The following TMCO5A variants were observed in gnomAD, a reference collection of about 807,000 sequenced individuals.
The protein encoded by TMCO5A is transmembrane and coiled-coil domain-containing protein 5A.
A neutral mutation model predicts 42.3 loss-of-function variants in TMCO5A; 34 were observed. That is an observed-to-expected ratio of 0.80 (90% CI 0.61 to 1.07). The LOEUF is 1.07. Among genes scored for constraint, TMCO5A ranks in the 50% least tolerant of loss-of-function variants. The probability of loss-of-function intolerance (pLI) is 0.00; values close to 1 mark genes in which losing one functional copy is unlikely to be tolerated. For synonymous variants in TMCO5A, 131 were observed against 115.6 expected (o/e 1.13, Z -0.86); for missense variants, 357 against 327.9 (o/e 1.09, Z -0.69).
downstream of TMCO5A, among the ~76,000 whole-genome samples, chr15:37,955,252 GA>G (rs1460717568): frequency 4.4e-5 from 2 of 45,028 alleles, no homozygotes; most frequent in Admixed American, 2.8e-4. Context: ...TAGATTTAAA[GA>G]GTAAAAAAAA....
the TMCO5A span, among the ~76,000 whole-genome samples, chr15:38,008,340 G>A: frequency 6.6e-6 from 1 of 152,130 alleles, no homozygotes; most frequent in Non-Finnish European, 1.5e-5. Context: ...ACTCAGAGGG[G>A]AGCTAAAGAG....
chr15:38,027,027 T>C, the TMCO5A span, among the ~76,000 whole-genome samples: 2 of 152,154 alleles, frequency 1.3e-5, no homozygotes, highest in Non-Finnish European at 2.9e-5. Flanking sequence ...GAACCTCTAC[T>C]AGGGCAGCAT....
At chr15:38,038,169 T>A in the TMCO5A span, among the ~76,000 whole-genome samples, 1 of 152,330 alleles carries the variant, frequency 6.6e-6, no homozygotes, top group Admixed American at 6.5e-5. Flanking sequence ...TGAGACCCTG[T>A]TCATAGAAAT....
In TMCO5A at chr15:37,951,159, G is replaced by A; in HGVS notation, c.792G>A (p.Arg264=). Residue 264 remains arginine (R), a synonymous_variant, in exon 12 of 12, where the codon AGG becomes AGA. Coordinates refer to ENST00000319669, the MANE Select transcript of TMCO5A (RefSeq NM_152453.4). ...LVNVLPKVLG[R]STLWKLRCFF... is the part of the protein sequence containing the mutation. ...ATGTACTGCCCAAGGTACTGGGCAG[G>A]AGCACCTTGTGGAAGCTCAGATGCT... 1 of 1,613,766 alleles carries A rather than the reference G, an allele frequency of 6.2e-7. No homozygotes were observed.
downstream of TMCO5A, among the ~76,000 whole-genome samples, chr15:37,955,273 AAAC>A (rs1890258197): frequency 6.6e-6 from 1 of 151,444 alleles, no homozygotes; most frequent in Non-Finnish European, 1.5e-5. Context: ...AAAAAAAAAA[AAAC>A]TTAACAAGAT....
chr15:37,989,185 T>C, the TMCO5A span, among the ~76,000 whole-genome samples: 1 of 151,924 alleles, frequency 6.6e-6, no homozygotes, highest in African/African-American at 2.4e-5. Flanking sequence ...ATCCTTTAAT[T>C]TCTGATTTTA....
chr15:38,005,119 G>C, the TMCO5A span, among the ~76,000 whole-genome samples: 1 of 151,946 alleles, frequency 6.6e-6, no homozygotes, highest in Admixed American at 6.6e-5. Flanking sequence ...TTACTCATTT[G>C]TGCCACCAGT....
chr15:38,025,202 G>GTGTGT, the TMCO5A span, among the ~76,000 whole-genome samples: 3 of 141,302 alleles, frequency 2.1e-5, no homozygotes, highest in Non-Finnish European at 4.6e-5. Flanking sequence ...TGTGTGTGTG[G>GTGTGT]AAGCAGAAAA....
At chr15:38,011,854 G>A in the TMCO5A span, among the ~76,000 whole-genome samples, 15 of 152,300 alleles carry the variant, frequency 9.8e-5, no homozygotes, top group South Asian at 2.9e-3. Context: ...GCCAGGCATG[G>A]TGGCTCATGC....
At chr15:37,969,703 C>A (rs567136357), downstream of TMCO5A, among the ~76,000 whole-genome samples, 1 of 152,258 alleles carries the variant, frequency 6.6e-6, no homozygotes, top group South Asian at 2.1e-4. Flanking sequence ...CCTCTCCCTC[C>A]TCCACCTTCC....
the TMCO5A span, among the ~76,000 whole-genome samples, chr15:37,991,440 G>A: frequency 3.6e-4 from 55 of 152,120 alleles, no homozygotes; most frequent in African/African-American, 1.3e-3. Flanking sequence ...GGGCCTCTTT[G>A]AGTTCCTACT....
the TMCO5A span, among the ~76,000 whole-genome samples, chr15:37,974,366 G>A: frequency 1.3e-5 from 2 of 152,148 alleles, no homozygotes; most frequent in African/African-American, 4.8e-5. Flanking sequence ...ATAGAATTTA[G>A]TTGTGACTTC....
intron 9 of TMCO5A, 58 bp downstream of exon 9, chr15:37,942,313 C>A: frequency 1.3e-6 from 2 of 1,525,304 alleles, no homozygotes; most frequent in South Asian, 2.3e-5. Context: ...CAGCCTGAGT[C>A]AGAGCAAACA....
chr15:37,992,268 T>C, the TMCO5A span, among the ~76,000 whole-genome samples: 1 of 152,256 alleles, frequency 6.6e-6, no homozygotes, highest in Non-Finnish European at 1.5e-5. Context: ...TCACTGGTCA[T>C]TAGAGAAATG....
chr15:37,941,242 AAG>A (rs745544564), intron 7 of TMCO5A, 37 bp downstream of exon 7: 18 of 1,595,614 alleles, frequency 1.1e-5, no homozygotes, highest in African/African-American at 1.3e-5. Context: ...TCTCCCCAAA[AAG>A]GGAAATGTGA....
chr15:37,970,430 G>A (rs141683709), downstream of TMCO5A, among the ~76,000 whole-genome samples: 7,946 of 152,202 alleles, frequency 0.052, 685 homozygotes, highest in African/African-American at 0.18. Context: ...CCCACAATAC[G>A]TGGGAATTCA....
At chr15:37,959,127 G>A (rs1890362178) in intron 11 of TMCO5A, among the ~76,000 whole-genome samples, 1 of 151,172 alleles carries the variant, frequency 6.6e-6, no homozygotes, top group Non-Finnish European at 1.5e-5. Flanking sequence ...GGGGTGGGGG[G>A]TTAGGGGAGG....
chr15:37,937,960 C>T (rs1889584117), intron 5 of TMCO5A, among the ~76,000 whole-genome samples, 198 bp from the exon 6 acceptor site: 1 of 152,000 alleles, frequency 6.6e-6, no homozygotes, highest in African/African-American at 2.4e-5. Context: ...TTTGAGTGGA[C>T]TCTAGCATCA....
chr15:37,941,679 G>T lies in TMCO5A; in HGVS notation c.453G>T (p.Lys151Asn). The change falls in exon 8 of 12, where the codon AAG becomes AAT. Residue 151 changes from lysine (K) to asparagine (N), a missense_variant. Coordinates refer to ENST00000319669, the MANE Select transcript of TMCO5A (RefSeq NM_152453.4). ...AAATTTTGATTTCCTAGGTAATGAA[G>T]GAGTATGCATTTGTGACCCAGCTCT... ...CQEKELLKVM[K>N]EYAFVTQLCE... The T allele has an allele frequency of 6.2e-7, 1 of 1,609,850 alleles. No homozygotes were observed. The highest frequency in any genetic ancestry group is 8.5e-7 in the Non-Finnish European group (1 of 1,176,612).
Sources: gnomAD v4.1 joint callset for allele counts (sites outside exome capture counted in the v4.1 genomes callset) on GRCh38, gnomAD v4.1.1 for gene constraint, MANE v1.5 for transcripts, NCBI Gene and HGNC (gene_info 2026-07-23, HGNC 2026-07-21) for gene names.